GPM6A: variants seen among roughly 807,000 people sequenced by gnomAD.
The protein encoded by GPM6A is neuronal membrane glycoprotein M6-a.
GPM6A carries 7 observed loss-of-function variants against 32.1 expected under a neutral mutation model. The observed-to-expected ratio is 0.22, with a 90% confidence interval of 0.12 to 0.41. The LOEUF is 0.41. Ranked by LOEUF, GPM6A falls within the 10% of genes least tolerant of loss-of-function variation. The pLI is 1.00. For synonymous variants in GPM6A, 130 were observed against 123.4 expected, an observed-to-expected ratio of 1.05 and a Z score of -0.35; for missense variants, 235 against 347.2, an observed-to-expected ratio of 0.68 and a Z score of 2.57.
At chr4:175,766,234 C>T (rs1222467941) in intron 1 of GPM6A, among the ~76,000 whole-genome samples, 2 of 152,108 alleles carry the variant, frequency 1.3e-5, no homozygotes, top group African/African-American at 4.8e-5. Flanking sequence ...TTAAAATTTT[C>T]ATAAAATACT....
intron 1 of GPM6A, among the ~76,000 whole-genome samples, chr4:175,841,319 A>T (rs1297051356): frequency 6.6e-6 from 1 of 152,202 alleles, no homozygotes; most frequent in Non-Finnish European, 1.5e-5. Flanking sequence ...TGTCATCATA[A>T]CAATTTTTTT....
At chr4:175,994,860 C>T (rs140228209) in intron 1 of GPM6A, among the ~76,000 whole-genome samples, 38 of 152,074 alleles carry the variant, frequency 2.5e-4, no homozygotes, top group Admixed American at 2.1e-3. Flanking sequence ...TAAATCCTAC[C>T]GCTGCTTTAT....
At chr4:175,831,329 T>C (rs75072551) in intron 1 of GPM6A, among the ~76,000 whole-genome samples, 1,859 of 152,292 alleles carry the variant, frequency 0.012, 19 homozygotes, top group Non-Finnish European at 0.02. Flanking sequence ...GGCTGTGCTC[T>C]GCTTATTGTA....
At chr4:175,644,027 A>G (rs532807871) in intron 4 of GPM6A, among the ~76,000 whole-genome samples, 1 of 152,204 alleles carries the variant, frequency 6.6e-6, no homozygotes, top group South Asian at 2.1e-4. Flanking sequence ...CCCCAAGTCA[A>G]AAGATCCAAC....
At chr4:175,711,247 G>A (rs1308622038) in intron 1 of GPM6A, among the ~76,000 whole-genome samples, 3 of 151,020 alleles carry the variant, frequency 2.0e-5, no homozygotes, top group African/African-American at 7.3e-5. Flanking sequence ...CATACTACTG[G>A]TAATTCACTC....
At chr4:175,931,709 C>CACATATATATATATATATATATATAT (rs1324269132) in intron 1 of GPM6A, among the ~76,000 whole-genome samples, 5 of 129,298 alleles carry the variant, frequency 3.9e-5, no homozygotes, top group African/African-American at 1.1e-4. Flanking sequence ...CACACACACA[C>CACATATATATATATATATATATATAT]ATATATATAT....
intron 1 of GPM6A, among the ~76,000 whole-genome samples, chr4:175,891,997 C>T (rs1386834449): frequency 6.6e-6 from 1 of 152,184 alleles, no homozygotes; most frequent in Non-Finnish European, 1.5e-5. Flanking sequence ...TGTTATCTTG[C>T]ATGTTGTATG....
intron 1 of GPM6A, among the ~76,000 whole-genome samples, chr4:175,741,734 C>CA (rs1432978468): frequency 6.6e-6 from 1 of 152,094 alleles, no homozygotes; most frequent in Non-Finnish European, 1.5e-5. Flanking sequence ...TACTTGTCTT[C>CA]ACTGCTTAGC....
intron 4 of GPM6A, among the ~76,000 whole-genome samples, chr4:175,650,001 G>A (rs904538222): frequency 2.0e-5 from 3 of 152,106 alleles, no homozygotes; most frequent in African/African-American, 7.2e-5. Flanking sequence ...GCAGAGCCAC[G>A]GCCTTCTAAG....
chr4:175,934,050 A>C (rs1217916059), intron 1 of GPM6A, among the ~76,000 whole-genome samples: 1 of 152,248 alleles, frequency 6.6e-6, no homozygotes, highest in East Asian at 1.9e-4. Context: ...ACATCCATTT[A>C]TATTAAATTC....
chr4:175,659,575 A>G (rs1231140766), intron 3 of GPM6A, among the ~76,000 whole-genome samples: 1 of 152,226 alleles, frequency 6.6e-6, no homozygotes, highest in Non-Finnish European at 1.5e-5. Context: ...TTTAAATGGA[A>G]CAGGTTTACA....
intron 1 of GPM6A, among the ~76,000 whole-genome samples, chr4:175,804,452 T>C (rs890583106): frequency 2.6e-5 from 4 of 152,170 alleles, no homozygotes; most frequent in African/African-American, 7.2e-5. Context: ...TGAGGTTTTC[T>C]CTTAGTTTCC....
chr4:175,997,086 T>C (rs1741332159), intron 1 of GPM6A, among the ~76,000 whole-genome samples: 2 of 152,040 alleles, frequency 1.3e-5, no homozygotes, highest in African/African-American at 4.8e-5. Context: ...CAGCTATATA[T>C]ATGTGAGCTC....
chr4:175,937,130 C>T (rs1193236986), intron 1 of GPM6A, among the ~76,000 whole-genome samples: 1 of 152,040 alleles, frequency 6.6e-6, no homozygotes, highest in Non-Finnish European at 1.5e-5. Flanking sequence ...TGGGAGATGG[C>T]AATTTATCAA....
chr4:175,643,432 C>T (rs182230174), intron 4 of GPM6A, among the ~76,000 whole-genome samples: 1 of 152,222 alleles, frequency 6.6e-6, no homozygotes, highest in East Asian at 1.9e-4. Context: ...CATTGACTTC[C>T]CTGTTGTTTC....
intron 1 of GPM6A, among the ~76,000 whole-genome samples, chr4:175,884,121 G>A (rs1306881094): frequency 6.6e-6 from 1 of 152,142 alleles, no homozygotes; most frequent in Non-Finnish European, 1.5e-5. Context: ...ATACGTCACA[G>A]GGCTATTTTT....
chr4:175,975,729 T>A (rs2126431853), intron 1 of GPM6A, among the ~76,000 whole-genome samples: 1 of 152,328 alleles, frequency 6.6e-6, no homozygotes, highest in Admixed American at 6.5e-5. Flanking sequence ...TTTAAATGTA[T>A]CTTTGTTCAA....
chr4:175,907,595 C>T (rs531688667), intron 1 of GPM6A, among the ~76,000 whole-genome samples: 7 of 152,226 alleles, frequency 4.6e-5, no homozygotes, highest in Admixed American at 3.3e-4. Flanking sequence ...GCAGGAAAGT[C>T]ACTCTCACCT....
At chr4:175,879,278 T>A (rs986086897) in intron 1 of GPM6A, among the ~76,000 whole-genome samples, 2 of 152,206 alleles carry the variant, frequency 1.3e-5, no homozygotes, top group African/African-American at 4.8e-5. Flanking sequence ...CAAAGTTGCT[T>A]CCACATTTTC....
Sources: allele counts gnomAD v4.1 joint callset (sites outside exome capture counted in the v4.1 genomes callset), GRCh38; gene constraint gnomAD v4.1.1; transcripts MANE v1.5; gene names NCBI Gene and HGNC (gene_info 2026-07-23, HGNC 2026-07-21).